Variants in SNTG1 observed in about 807,000 individuals in gnomAD.
The protein encoded by SNTG1 is gamma-1-syntrophin.
A neutral mutation model predicts 74.7 loss-of-function variants in SNTG1; 39 were observed. The ratio of observed to expected loss-of-function variants is 0.52; its 90% confidence interval spans 0.40 to 0.68. The LOEUF (loss-of-function observed/expected upper bound fraction) is 0.68, where lower values mean the gene tolerates loss of function less well. Among genes scored for constraint, SNTG1 ranks in the 30% least tolerant of loss-of-function variants. SNTG1 has a pLI of 0.00. For missense variants in SNTG1, 685 were observed against 609.5 expected (o/e 1.12, Z -1.30); for synonymous variants, 254 against 217.1 (o/e 1.17, Z -1.49).
rs535390123 is a variant in SNTG1 at position 50,228,349 on chromosome 8, G to A, written c.-28+55714G>A. 9.2e-5 allele frequency among the ~76,000 whole-genome samples: 14 copies of A among 151,942 alleles called. 1 individual carries two copies. The highest frequency in any genetic ancestry group is 3.1e-4 in the African/African-American group (13 of 41,500). Reference sequence around the variant, plus strand: ...GACTACCTTACAAAGAAAAAAAGATGATCAGAAGGAATATTTGAAATTATG... The same window carrying A: ...GACTACCTTACAAAGAAAAAAAGATAATCAGAAGGAATATTTGAAATTATG... On this transcript the variant is annotated intron_variant, in intron 2 of 18. Coordinates refer to ENST00000642720, the MANE Select transcript of SNTG1 (RefSeq NM_018967.5).
At chr8:50,209,132 G>A (rs7817040) in intron 2 of SNTG1, among the ~76,000 whole-genome samples, 63,922 of 151,966 alleles carry the variant, frequency 0.42, 16,708 homozygotes, top group African/African-American at 0.75. Context: ...TGCTAGCACA[G>A]CAGTATGAGA....
At chr8:50,423,498 TA>T (rs533611482) in intron 4 of SNTG1, among the ~76,000 whole-genome samples, 69 of 152,370 alleles carry the variant, frequency 4.5e-4, no homozygotes, top group Non-Finnish European at 7.9e-4. Context: ...ATAAAACCTT[TA>T]ATTTTTAACT....
intron 1 of SNTG1, among the ~76,000 whole-genome samples, chr8:50,083,234 T>C (rs1049798802): frequency 2.0e-5 from 3 of 152,174 alleles, no homozygotes; most frequent in African/African-American, 4.8e-5. Context: ...ATCCCAGAGC[T>C]CTAAAACTGC....
At chr8:50,681,531 C>G (rs927536391) in intron 15 of SNTG1, among the ~76,000 whole-genome samples, 1 of 152,074 alleles carries the variant, frequency 6.6e-6, no homozygotes, top group Non-Finnish European at 1.5e-5. Context: ...AATACATAAC[C>G]TGTTTACTAT....
chr8:50,489,701 A>G (rs1188100364), intron 8 of SNTG1, among the ~76,000 whole-genome samples: 2 of 152,164 alleles, frequency 1.3e-5, no homozygotes, highest in African/African-American at 2.4e-5. Flanking sequence ...TAGATTGCAA[A>G]AATTTTCTCC....
intron 17 of SNTG1, among the ~76,000 whole-genome samples, chr8:50,735,569 G>A (rs544852912): frequency 1.4e-4 from 22 of 151,994 alleles, no homozygotes; most frequent in African/African-American, 5.3e-4. Context: ...GACAAGATTA[G>A]AGAAAAAAGA....
At chr8:50,255,414 C>G (rs983866899) in intron 2 of SNTG1, among the ~76,000 whole-genome samples, 4 of 152,114 alleles carry the variant, frequency 2.6e-5, no homozygotes, top group Non-Finnish European at 5.9e-5. Flanking sequence ...CATTAGTTTA[C>G]TAGGGCTACC....
chr8:50,446,190 A>G (rs1486286286), intron 5 of SNTG1, among the ~76,000 whole-genome samples: 1 of 152,186 alleles, frequency 6.6e-6, no homozygotes, highest in African/African-American at 2.4e-5. Flanking sequence ...TTCCCCATTT[A>G]GGCCCTGCAC....
At chr8:49,931,730 T>G (rs1435944515) in intron 1 of SNTG1, among the ~76,000 whole-genome samples, 1 of 152,186 alleles carries the variant, frequency 6.6e-6, no homozygotes, top group Non-Finnish European at 1.5e-5. Context: ...GATGGCTACT[T>G]GCTCAATATG....
intron 18 of SNTG1, among the ~76,000 whole-genome samples, chr8:50,779,452 T>C (rs1563831201): frequency 2.6e-5 from 4 of 152,178 alleles, no homozygotes. Flanking sequence ...GGTATTTTAT[T>C]CTCTTTGAAG....
intron 12 of SNTG1, among the ~76,000 whole-genome samples, chr8:50,567,574 C>T (rs988804753): frequency 3.3e-5 from 5 of 151,872 alleles, no homozygotes; most frequent in Admixed American, 1.3e-4. Context: ...CTCTATGTAT[C>T]GGTGGAGTAA....
intron 1 of SNTG1, among the ~76,000 whole-genome samples, chr8:50,170,754 G>C (rs1053357660): frequency 2.6e-5 from 4 of 152,150 alleles, no homozygotes; most frequent in Non-Finnish European, 4.4e-5. Flanking sequence ...TACCAAGCTT[G>C]TGTAGGTTTG....
Position 49,934,288 on chromosome 8 carries a change from T to G in SNTG1, c.-103+22057T>G, listed in dbSNP as rs535875434. Among the ~76,000 whole-genome samples the G allele has an allele frequency of 5.0e-3, 220 of 43,842 alleles. 2 individuals carry two copies. Among genetic ancestry groups the G allele is most frequent in the African/African-American group, 0.017 (188 of 11,020 alleles). 28.8% of individuals were successfully genotyped at this position (43,842 alleles called of 152,430 possible). A position where few individuals can be genotyped will look rare whatever the true frequency, so the allele number is the denominator to read the frequency against. ...GTCATATATACTATATAGATCTATC[T>G]ATCTATCTATCTATCTATCTATCTA... On this transcript the variant is annotated intron_variant, in intron 1 of 18. Coordinates refer to ENST00000642720, the MANE Select transcript of SNTG1 (RefSeq NM_018967.5).
chr8:50,460,672 G>C (rs1047381756), intron 8 of SNTG1, among the ~76,000 whole-genome samples: 3 of 152,142 alleles, frequency 2.0e-5, no homozygotes, highest in African/African-American at 7.2e-5. Context: ...TATAGTGAAA[G>C]GTAGGGGTCC....
At chr8:50,294,798 ACT>A (rs1168520274) in intron 2 of SNTG1, among the ~76,000 whole-genome samples, 2 of 152,170 alleles carry the variant, frequency 1.3e-5, no homozygotes. Context: ...GCATCATAAT[ACT>A]CTACTTCTCC....
intron 15 of SNTG1, among the ~76,000 whole-genome samples, chr8:50,691,608 C>T (rs1028583282): frequency 1.2e-4 from 19 of 152,220 alleles, no homozygotes; most frequent in Admixed American, 5.2e-4. Context: ...GAGTTTCTGC[C>T]GAGAGATCAG....
intron 2 of SNTG1, among the ~76,000 whole-genome samples, chr8:50,342,013 A>T (rs984687844): frequency 6.6e-6 from 1 of 152,006 alleles, no homozygotes; most frequent in Non-Finnish European, 1.5e-5. Context: ...TCATCATTTC[A>T]TCCAAGCCAC....
At chr8:50,123,461 G>C (rs1423621773) in intron 1 of SNTG1, among the ~76,000 whole-genome samples, 3 of 142,222 alleles carry the variant, frequency 2.1e-5, no homozygotes, top group Non-Finnish European at 4.7e-5. Context: ...TAAAATTATA[G>C]TTTTATTCAC....
At chr8:50,135,752 T>C (rs974234160) in intron 1 of SNTG1, among the ~76,000 whole-genome samples, 1 of 152,218 alleles carries the variant, frequency 6.6e-6, no homozygotes, top group African/African-American at 2.4e-5. Context: ...AATTTTTGTT[T>C]GTATGTTTAA....
Sources: gnomAD v4.1 joint callset for allele counts (sites outside exome capture counted in the v4.1 genomes callset) on GRCh38, gnomAD v4.1.1 for gene constraint, MANE v1.5 for transcripts, NCBI Gene and HGNC (gene_info 2026-07-23, HGNC 2026-07-21) for gene names.